Variants in GNAI2 observed in about 807,000 individuals in gnomAD.
The protein encoded by GNAI2 is guanine nucleotide-binding protein G(i) subunit alpha-2.
A neutral mutation model predicts 36.8 loss-of-function variants in GNAI2; 4 were observed. That is an observed-to-expected ratio of 0.11 (90% confidence interval 0.05 to 0.25). The LOEUF (loss-of-function observed/expected upper bound fraction) is 0.25, where lower values mean the gene tolerates loss of function less well. Ranked by LOEUF, GNAI2 falls within the 10% of genes least tolerant of loss-of-function variation. The pLI, the probability that GNAI2 is intolerant of heterozygous loss-of-function variation, is 1.00. For missense variants in GNAI2, 230 were observed against 481.3 expected (o/e 0.48, Z 4.89); for synonymous variants, 194 against 194.1 (o/e 1.00, Z 0.01).
At chr3:50,245,433 C>G (rs781982761) in intron 1 of GNAI2, among the ~76,000 whole-genome samples, 4 of 152,230 alleles carry the variant, frequency 2.6e-5, no homozygotes, top group Non-Finnish European at 5.9e-5. Context: ...CACCCTCCCT[C>G]AAGGGGTACA....
Position 50,242,390 on chromosome 3 carries a change from G to A in GNAI2, c.118+5937G>A, listed in dbSNP as rs1167722782. On this transcript the variant is annotated intron_variant, in intron 1 of 8. Coordinates refer to ENST00000313601, the MANE Select transcript of GNAI2 (RefSeq NM_002070.4). The surrounding 1 kb of genome is among the most constrained non-coding windows in gnomAD (Gnocchi z 4.8). ...TAGGAGTTGAGCGAGGAGGGGAAGG[G>A]GTCAGCAGGTTCTGGCCAGGCCACT... Among the ~76,000 whole-genome samples, 5 of 152,148 alleles carry A rather than the reference G, an allele frequency of 3.3e-5. No individual in the cohort carries two copies. Among genetic ancestry groups the A allele is most frequent in the African/African-American group, 1.2e-4 (5 of 41,426 alleles).
chr3:50,246,910 G>C (rs1043235111), intron 1 of GNAI2: 4 of 1,450,704 alleles, frequency 2.8e-6, no homozygotes, highest in Non-Finnish European at 3.6e-6. Flanking sequence ...TCTGACTCCT[G>C]TCCCAGGTTA....
intron 1 of GNAI2, among the ~76,000 whole-genome samples, chr3:50,249,377 C>T (rs377652575): frequency 1.3e-5 from 2 of 152,186 alleles, no homozygotes; most frequent in Admixed American, 6.5e-5. Context: ...GTTCAGGCAT[C>T]GCTGTGAGGC....
upstream of GNAI2, chr3:50,227,415 C>A (rs1699995085): frequency 2.9e-6 from 1 of 344,828 alleles, no homozygotes; most frequent in African/African-American, 2.1e-5. This position sits in a 1 kb window ranked among gnomAD's most constrained non-coding sequence, Gnocchi z 5.9. Flanking sequence ...CGGGGGCCAC[C>A]GTGAGTGGGG....
upstream of GNAI2, chr3:50,229,038 C>T (rs1464910752): frequency 1.3e-5 from 2 of 152,176 alleles, no homozygotes; most frequent in Non-Finnish European, 2.9e-5. Flanking sequence ...GTTGCATCAC[C>T]TTCATTAGGG....
chr3:50,232,855 G>A (rs587720106), upstream of GNAI2, among the ~76,000 whole-genome samples: 1 of 152,106 alleles, frequency 6.6e-6, no homozygotes, highest in East Asian at 1.9e-4. Context: ...ATGGCATATA[G>A]GGGTAGGGGA....
In GNAI2 at chr3:50,242,141, G is replaced by A. The variant is rs1240948138; in HGVS notation, c.118+5688G>A. Among the ~76,000 whole-genome samples, 5 of 152,146 alleles carry A rather than the reference G, an allele frequency of 3.3e-5. No homozygotes were observed. The highest frequency in any genetic ancestry group is 5.9e-5 in the Non-Finnish European group (4 of 68,004). On this transcript the variant is annotated intron_variant, in intron 1 of 8. Coordinates refer to ENST00000313601, the MANE Select transcript of GNAI2 (RefSeq NM_002070.4). The surrounding 1 kb of genome is among the most constrained non-coding windows in gnomAD (Gnocchi z 4.8). ...GCCACCCATTCACTTGGCGGGAACA[G>A]GATGGAGGAAGCTTTGTCCACCCAA...
In GNAI2 at chr3:50,257,524, C is replaced by G; in HGVS notation, c.902C>G (p.Ala301Gly). The change falls in exon 8 of 9, where the codon GCC (alanine) becomes GGC (glycine). Residue 301 changes from alanine (A) to glycine (G), a missense_variant. Physicochemically the swap from Ala to Gly is moderately conservative, Grantham distance 60. Transcript: ENST00000313601. ...YTGANKYDEA[A>G]SYIQSKFEDL... ...GGGGCCAACAAATATGATGAGGCAG[C>G]CAGCTACATCCAGAGTAAGTTTGAG... The G allele has an allele frequency of 1.3e-6, 2 of 1,568,020 alleles. No homozygotes were observed. The highest frequency in any genetic ancestry group is 1.7e-6 in the Non-Finnish European group (2 of 1,153,678).
At chr3:50,232,329 CA>C (rs1287367765), upstream of GNAI2, among the ~76,000 whole-genome samples, 1 of 150,564 alleles carries the variant, frequency 6.6e-6, no homozygotes. Flanking sequence ...GACTCAGTCT[CA>C]AAAAAAAAGA....
chr3:50,251,426 G>C (rs1553702423), intron 1 of GNAI2: 2 of 1,046,954 alleles, frequency 1.9e-6, no homozygotes, highest in Non-Finnish European at 1.2e-6. Flanking sequence ...GGCGTGTGTG[G>C]GTGTGGGTGT....
chr3:50,232,547 A>G (rs1312167379), upstream of GNAI2, among the ~76,000 whole-genome samples: 2 of 152,210 alleles, frequency 1.3e-5, no homozygotes, highest in Non-Finnish European at 2.9e-5. Flanking sequence ...GCAAGTTTGC[A>G]AACTGCTCCT....
rs1330275710 is a variant in GNAI2 at position 50,236,226 on chromosome 3, G to T, written c.-110G>T. The T allele has an allele frequency of 8.4e-7, 1 of 1,189,838 alleles. No individual in the cohort carries two copies. The highest frequency in any genetic ancestry group is 4.1e-5 in the South Asian group (1 of 24,572). 73.7% of individuals were successfully genotyped at this position (1,189,838 alleles called of 1,614,324 possible). A position where few individuals can be genotyped will look rare whatever the true frequency, so the allele number is the denominator to read the frequency against. On this transcript the variant is annotated 5_prime_UTR_variant, in exon 1 of 9. Coordinates refer to ENST00000313601, the MANE Select transcript of GNAI2 (RefSeq NM_002070.4). The surrounding 1 kb of genome is among the most constrained non-coding windows in gnomAD (Gnocchi z 4.0). ...CGCAGTCGCTCGGAACTGCCGACCC[G>T]AGTGCTTCCCGCAGAGGGCTGGTGG...
rs1289461097 is a variant in GNAI2, at chr3:50,252,643, G to A, written c.303+105G>A. ...TCCCAGCACTTTGGGACGCCGAGGC[G>A]GGTGGATCACCTGAGGTCAGGACCA... On this transcript the variant is annotated intron_variant, in intron 3 of 8. Transcript: ENST00000313601. This position sits in a 1 kb window ranked among gnomAD's most constrained non-coding sequence, Gnocchi z 4.1. The A allele has an allele frequency of 2.0e-5, 19 of 973,260 alleles. No homozygotes were observed. Among genetic ancestry groups the A allele is most frequent in the African/African-American group, 3.2e-5 (2 of 62,334 alleles). The allele number at this position is 973,260 out of a possible 1,614,324, so 60.3% of individuals were successfully genotyped here.
upstream of GNAI2, among the ~76,000 whole-genome samples, chr3:50,232,834 G>C (rs1422393899): frequency 6.6e-6 from 1 of 151,970 alleles, no homozygotes; most frequent in Non-Finnish European, 1.5e-5. Context: ...ATTGAGGTAG[G>C]GAAGAGGCTG....
At position 50,236,822 on chromosome 3, in the gene GNAI2, C is replaced by G. The variant is rs763612658; in HGVS notation, c.118+369C>G. ...AGGATGCCCGCCACTTGTTCCCCAA[C>G]CCTCAGGCTCCGCTTGTTTTCCTCA... On this transcript the variant is annotated intron_variant, in intron 1 of 8. Transcript: ENST00000313601. The surrounding 1 kb of genome is among the most constrained non-coding windows in gnomAD (Gnocchi z 4.0). Among the ~76,000 whole-genome samples the G allele has an allele frequency of 6.6e-6, 1 of 152,160 alleles. No individual in the cohort carries two copies. The highest frequency in any genetic ancestry group is 1.5e-5 in the Non-Finnish European group (1 of 68,028).
chr3:50,236,397 A>G lies in GNAI2; in HGVS notation c.62A>G (p.Lys21Arg), dbSNP rs1455823207. Residue 21 changes from lysine to arginine, a missense_variant, in exon 1 of 9, where the codon AAG becomes AGG. Physicochemically the swap from Lys to Arg is conservative, Grantham distance 26 (BLOSUM62 2). Transcript: ENST00000313601. This position sits in a 1 kb window ranked among gnomAD's most constrained non-coding sequence, Gnocchi z 4.0. The stretch of plus-strand genomic sequence containing the variant: ...GCCGAGCGCTCTAAGATGATCGACA[A>G]GAACCTGCGGGAGGACGGAGAGAAG... ...AAAERSKMID[K>R]NLREDGEKAA... The G allele has an allele frequency of 1.8e-5, 29 of 1,577,694 alleles. No individual in the cohort carries two copies. The highest frequency in any genetic ancestry group is 2.3e-5 in the Non-Finnish European group (27 of 1,165,090).
chr3:50,235,551 C>A (rs1189950954), upstream of GNAI2, among the ~76,000 whole-genome samples: 2 of 152,122 alleles, frequency 1.3e-5, no homozygotes, highest in African/African-American at 4.8e-5. Context: ...AACTCCTGAC[C>A]TCAAGTGATC....
At chr3:50,237,209 G>T (rs893463379) in intron 1 of GNAI2, among the ~76,000 whole-genome samples, 2 of 152,236 alleles carry the variant, frequency 1.3e-5, no homozygotes, top group Non-Finnish European at 2.9e-5. Flanking sequence ...CCCTGGGTTG[G>T]AGAGGGCCTA....
intron 1 of GNAI2, chr3:50,247,093 C>T (rs1163758641): frequency 6.8e-6 from 5 of 730,454 alleles, no homozygotes; most frequent in Non-Finnish European, 1.2e-5. Context: ...GAAATCTGTA[C>T]TCTTTCAAAG....
Sources: allele counts gnomAD v4.1 joint callset (sites outside exome capture counted in the v4.1 genomes callset), GRCh38; gene constraint gnomAD v4.1.1; non-coding constraint Gnocchi (gnomAD v3.1); transcripts MANE v1.5; gene names NCBI Gene and HGNC (gene_info 2026-07-23, HGNC 2026-07-21).